Variants in RRP15 observed in about 807,000 individuals in gnomAD.
The protein encoded by RRP15 is RRP15-like protein.
In RRP15, 18 loss-of-function variants were observed where a neutral mutation model predicts 27.1. That is an observed-to-expected ratio of 0.66 (90% CI 0.46 to 0.98). The LOEUF (loss-of-function observed/expected upper bound fraction) is 0.98, where lower values mean the gene tolerates loss of function less well. RRP15 is among the 50% of genes least tolerant of loss of function. RRP15 has a pLI of 0.00. For synonymous variants in RRP15, 107 were observed against 109.4 expected, an observed-to-expected ratio of 0.98 and a Z score of 0.14; for missense variants, 359 against 337.8, an observed-to-expected ratio of 1.06 and a Z score of -0.49.
chr1:218,326,214 G>A (rs1051645933), intron 4 of RRP15, among the ~76,000 whole-genome samples: 1 of 152,176 alleles, frequency 6.6e-6, no homozygotes, highest in Non-Finnish European at 1.5e-5. Context: ...GCTGAGGCAG[G>A]ATAATCGGTT....
chr1:218,330,911 T>G, intron 4 of RRP15, 37 bp from the exon 5 acceptor site: 1 of 1,590,712 alleles, frequency 6.3e-7, no homozygotes, highest in Non-Finnish European at 8.6e-7. Context: ...ATGATGGAAT[T>G]GACTTTTGAA....
chr1:218,305,142 G>A lies in RRP15; in HGVS notation c.503+17G>A. 14 of 1,591,282 alleles carry A rather than the reference G, an allele frequency of 8.8e-6. No homozygotes were observed. The highest frequency in any genetic ancestry group is 1.2e-5 in the Non-Finnish European group (14 of 1,161,856). ...TGCAACAAGGTAAGGTAGTGTTTTT[G>A]CCCTTTAAAAAATAAGTATACTAAA... On this transcript the variant is annotated intron_variant, in intron 3 of 4. Coordinates refer to ENST00000366932, the MANE Select transcript of RRP15 (RefSeq NM_016052.4).
At chr1:218,327,264 G>A (rs1307967851) in intron 4 of RRP15, among the ~76,000 whole-genome samples, 1 of 152,150 alleles carries the variant, frequency 6.6e-6, no homozygotes, top group Non-Finnish European at 1.5e-5. Flanking sequence ...TTTAGCAAAT[G>A]TAGGGATTAG....
intron 4 of RRP15, among the ~76,000 whole-genome samples, chr1:218,326,560 G>A (rs1656276547): frequency 6.6e-6 from 1 of 152,174 alleles, no homozygotes; most frequent in Non-Finnish European, 1.5e-5. Flanking sequence ...ATATATGGGT[G>A]TCATCCACCT....
chr1:218,327,459 T>C (rs1656291904), intron 4 of RRP15, among the ~76,000 whole-genome samples: 1 of 152,138 alleles, frequency 6.6e-6, no homozygotes, highest in South Asian at 2.1e-4. Context: ...TGTGCTATCA[T>C]GCGTAGGCTA....
chr1:218,309,207 C>T lies in RRP15; in HGVS notation c.705+1575C>T, dbSNP rs189304406. On this transcript the variant is annotated intron_variant, in intron 4 of 4. Transcript: ENST00000366932. ...ATTTTGCTCTAAAAGTAATTTGTTT[C>T]TAGAACACCCTGCCCCATGCCATCA... 1.6e-4 allele frequency among the ~76,000 whole-genome samples: 25 copies of T among 152,256 alleles called. No individual in the cohort carries two copies. The East Asian group carries it at 4.6e-3, about 28-fold the overall frequency.
chr1:218,302,145 C>T, intron 1 of RRP15, 149 bp from the exon 2 acceptor site: 2 of 627,262 alleles, frequency 3.2e-6, no homozygotes, highest in Non-Finnish European at 5.7e-6. Flanking sequence ...TCCTATTGCT[C>T]TTCATCATTA....
intron 4 of RRP15, among the ~76,000 whole-genome samples, chr1:218,324,421 G>T (rs1234732928): frequency 6.6e-6 from 1 of 152,220 alleles, no homozygotes; most frequent in Non-Finnish European, 1.5e-5. Context: ...GGTCCTGCCT[G>T]CCTGTGTGAG....
At chr1:218,329,789 A>T (rs189066590) in intron 4 of RRP15, among the ~76,000 whole-genome samples, 14 of 151,968 alleles carry the variant, frequency 9.2e-5, no homozygotes, top group Non-Finnish European at 1.5e-4. Context: ...GTGAGCCAAT[A>T]GGACAGTTTT....
At chr1:218,292,671 T>C (rs1398593603) in intron 1 of RRP15, among the ~76,000 whole-genome samples, 1 of 152,244 alleles carries the variant, frequency 6.6e-6, no homozygotes, top group Non-Finnish European at 1.5e-5. Flanking sequence ...TAACAGTGAT[T>C]GACTGACTGA....
intron 2 of RRP15, 118 bp from the exon 3 acceptor site, chr1:218,304,910 T>G: frequency 1.1e-6 from 1 of 941,580 alleles, no homozygotes; most frequent in Non-Finnish European, 1.6e-6. Flanking sequence ...TAAAAGCCCC[T>G]GACAAACTAA....
At chr1:218,290,281 T>C (rs546373159) in intron 1 of RRP15, among the ~76,000 whole-genome samples, 3 of 152,364 alleles carry the variant, frequency 2.0e-5, no homozygotes, top group Admixed American at 2.0e-4. Flanking sequence ...CAGTTGATTC[T>C]AGTTACAGTA....
intron 1 of RRP15, among the ~76,000 whole-genome samples, chr1:218,289,774 C>T (rs999933637): frequency 1.3e-5 from 2 of 152,216 alleles, no homozygotes; most frequent in Non-Finnish European, 2.9e-5. Flanking sequence ...CCTCCACCTC[C>T]AGGGTTCAAG....
At chr1:218,306,162 T>A (rs565135444) in intron 3 of RRP15, among the ~76,000 whole-genome samples, 2 of 152,238 alleles carry the variant, frequency 1.3e-5, no homozygotes, top group East Asian at 3.9e-4. Flanking sequence ...TATAAGCTCA[T>A]AAGCTAGCCT....
At chr1:218,308,729 A>G (rs1440358061) in intron 4 of RRP15, among the ~76,000 whole-genome samples, 5 of 152,284 alleles carry the variant, frequency 3.3e-5, no homozygotes, top group Non-Finnish European at 5.9e-5. Context: ...CTCAAATTGT[A>G]TTTTTATATA....
At chr1:218,329,237 C>CAAAAAAAA (rs1164512474) in intron 4 of RRP15, among the ~76,000 whole-genome samples, 17 of 53,574 alleles carry the variant, frequency 3.2e-4, no homozygotes, top group African/African-American at 4.5e-4. Flanking sequence ...CCTGTCTCTA[C>CAAAAAAAA]AAAAAAAAAA....
chr1:218,314,799 TG>T (rs140404510), intron 4 of RRP15, among the ~76,000 whole-genome samples: 2,125 of 152,018 alleles, frequency 0.014, 27 homozygotes, highest in Non-Finnish European at 0.019. Context: ...GAAACCATCC[TG>T]GCCAACATGG....
chr1:218,299,891 A>G (rs1480125692), intron 1 of RRP15, among the ~76,000 whole-genome samples: 1 of 152,040 alleles, frequency 6.6e-6, no homozygotes, highest in East Asian at 1.9e-4. Context: ...GTCCTAGGAG[A>G]TGCCTCTTGG....
intron 1 of RRP15, among the ~76,000 whole-genome samples, chr1:218,292,096 G>A (rs1238307408): frequency 2.6e-5 from 4 of 151,682 alleles, no homozygotes; most frequent in Non-Finnish European, 2.9e-5. Flanking sequence ...TCGGCCTCCC[G>A]AAGTGTTGGG....
Sources: allele counts gnomAD v4.1 joint callset (sites outside exome capture counted in the v4.1 genomes callset), GRCh38; gene constraint gnomAD v4.1.1; transcripts MANE v1.5; gene names NCBI Gene and HGNC (gene_info 2026-07-23, HGNC 2026-07-21).